The following CNTNAP5 variants were observed in gnomAD, a reference collection of about 807,000 sequenced individuals.
The protein encoded by CNTNAP5 is contactin-associated protein-like 5.
A neutral mutation model predicts 150.2 loss-of-function variants in CNTNAP5; 72 were observed. The observed-to-expected ratio is 0.48, with a 90% CI of 0.40 to 0.58. CNTNAP5 has a LOEUF of 0.58. Ranked by LOEUF, CNTNAP5 falls within the 20% of genes least tolerant of loss-of-function variation. The pLI is 0.00. For synonymous variants in CNTNAP5, 672 were observed against 619.8 expected (o/e 1.08, Z -1.25); for missense variants, 1,636 against 1,626.2 (o/e 1.01, Z -0.10).
chr2:124,660,644 GT>G (rs34191470), intron 13 of CNTNAP5, among the ~76,000 whole-genome samples: 5 of 151,912 alleles, frequency 3.3e-5, no homozygotes, highest in Non-Finnish European at 7.4e-5. Context: ...AATTGGGTGC[GT>G]TTTTTGCATT....
At chr2:124,283,696 A>C in intron 3 of CNTNAP5, among the ~76,000 whole-genome samples, 1 of 152,216 alleles carries the variant, frequency 6.6e-6, no homozygotes, top group East Asian at 1.9e-4. Flanking sequence ...GAGGTGACTT[A>C]TAAGCAATAT....
At chr2:124,258,383 A>G (rs1035646048) in intron 3 of CNTNAP5, among the ~76,000 whole-genome samples, 1 of 152,194 alleles carries the variant, frequency 6.6e-6, no homozygotes. Flanking sequence ...CTGCTGAGGA[A>G]AGAGGACTCA....
intron 13 of CNTNAP5, among the ~76,000 whole-genome samples, chr2:124,678,083 C>T (rs1678985460): frequency 6.6e-6 from 1 of 151,826 alleles, no homozygotes; most frequent in Non-Finnish European, 1.5e-5. Flanking sequence ...ACATCCCCAT[C>T]TTTGTTCCCA....
At chr2:124,505,450 T>A (rs1343879438) in intron 8 of CNTNAP5, among the ~76,000 whole-genome samples, 1 of 152,050 alleles carries the variant, frequency 6.6e-6, no homozygotes, top group Non-Finnish European at 1.5e-5. Flanking sequence ...TAAAACCATT[T>A]AAAAAATATA....
rs1029469768 is a variant in CNTNAP5 at position 124,919,666 on chromosome 2, C to T, written c.*5378C>T. Among the ~76,000 whole-genome samples, 2 of 151,906 alleles carry T rather than the reference C, an allele frequency of 1.3e-5. No homozygotes were observed. The highest frequency in any genetic ancestry group is 2.9e-5 in the Non-Finnish European group (2 of 67,970). On this transcript the variant is annotated 3_prime_UTR_variant, in exon 24 of 24. Transcript: ENST00000682447. ...TTGTCTTACTCATTAGGGAAAGAGG[C>T]AATATCATGGGCTTTGCATGAATAA... is the stretch of plus-strand genomic sequence containing the variant.
intron 1 of CNTNAP5, among the ~76,000 whole-genome samples, chr2:124,218,461 A>G (rs996925286): frequency 2.0e-5 from 3 of 152,116 alleles, no homozygotes; most frequent in African/African-American, 7.2e-5. Context: ...CATTCTTATT[A>G]CTTTTAGGGA....
intron 2 of CNTNAP5, among the ~76,000 whole-genome samples, chr2:124,235,058 A>G (rs879300265): frequency 1.4e-4 from 22 of 152,122 alleles, no homozygotes; most frequent in Non-Finnish European, 2.8e-4. Flanking sequence ...AGGGTAAGAC[A>G]GAGGGGAAAG....
In CNTNAP5 at chr2:124,051,828, G is replaced by C. The variant is rs114736478; in HGVS notation, c.82+26096G>C. ...CACTCAAAACTGCTAGGGTGATTTT[G>C]CTTGATTTCCTTCTGCTACAGCATT... On this transcript the variant is annotated intron_variant, in intron 1 of 23. Transcript: ENST00000682447. 5.7e-3 allele frequency among the ~76,000 whole-genome samples: 868 copies of C among 152,228 alleles called. 7 individuals carry two copies. Among genetic ancestry groups the C allele is most frequent in the African/African-American group, 0.019 (805 of 41,540 alleles).
chr2:124,538,770 A>T (rs1695307827), intron 10 of CNTNAP5, among the ~76,000 whole-genome samples: 1 of 152,194 alleles, frequency 6.6e-6, no homozygotes, highest in African/African-American at 2.4e-5. Flanking sequence ...TGTGAGAAAA[A>T]GGTTTAGATT....
intron 13 of CNTNAP5, among the ~76,000 whole-genome samples, chr2:124,670,408 A>AG (rs1418025525): frequency 6.6e-6 from 1 of 152,068 alleles, no homozygotes. Flanking sequence ...TTGACCTTGT[A>AG]TAATTGAGTT....
chr2:124,148,071 G>T (rs1330628644), intron 1 of CNTNAP5, among the ~76,000 whole-genome samples: 1 of 152,108 alleles, frequency 6.6e-6, no homozygotes, highest in African/African-American at 2.4e-5. Flanking sequence ...TCACACCAAG[G>T]TTTCACAGGA....
chr2:124,685,937 A>G lies in CNTNAP5; in HGVS notation c.2077+37979A>G, dbSNP rs549145718. 3.3e-5 allele frequency among the ~76,000 whole-genome samples: 5 copies of G among 152,098 alleles called. No individual in the cohort carries two copies. In the East Asian group the frequency reaches 7.7e-4, roughly 24 times the overall value. Reference sequence around the variant, plus strand: ...TTTCTAAGTTTCTTATTCTATAATTAACTTTTCATAAATTTAGGTCATCTT... The same window carrying G: ...TTTCTAAGTTTCTTATTCTATAATTGACTTTTCATAAATTTAGGTCATCTT... On this transcript the variant is annotated intron_variant, in intron 13 of 23. Coordinates refer to ENST00000682447, the MANE Select transcript of CNTNAP5 (RefSeq NM_001367498.1).
At chr2:124,304,982 C>A (rs1352570334) in intron 3 of CNTNAP5, among the ~76,000 whole-genome samples, 1 of 151,872 alleles carries the variant, frequency 6.6e-6, no homozygotes, top group African/African-American at 2.4e-5. Flanking sequence ...AGTCACACTG[C>A]AGGCCACATG....
At chr2:124,241,976 A>G (rs932510302) in intron 2 of CNTNAP5, among the ~76,000 whole-genome samples, 7 of 152,164 alleles carry the variant, frequency 4.6e-5, no homozygotes, top group African/African-American at 1.7e-4. Context: ...GAAGCATGGA[A>G]GATACAGCTT....
intron 14 of CNTNAP5, among the ~76,000 whole-genome samples, chr2:124,754,802 G>A (rs767851633): frequency 2.6e-5 from 4 of 151,704 alleles, no homozygotes; most frequent in Admixed American, 6.6e-5. Context: ...ATCCTCACGC[G>A]TCGAACTCTC....
chr2:124,310,138 G>C (rs139250692), intron 3 of CNTNAP5, among the ~76,000 whole-genome samples: 130 of 152,028 alleles, frequency 8.6e-4, no homozygotes, highest in African/African-American at 3.1e-3. Flanking sequence ...AATCTCCCAG[G>C]GTGTTTATTG....
intron 1 of CNTNAP5, among the ~76,000 whole-genome samples, chr2:124,165,246 C>T (rs1393052441): frequency 6.6e-6 from 1 of 152,096 alleles, no homozygotes; most frequent in Non-Finnish European, 1.5e-5. Flanking sequence ...AGTCACTTTG[C>T]TTGGTAGAGG....
chr2:124,273,317 C>T (rs1687803699), intron 3 of CNTNAP5, among the ~76,000 whole-genome samples: 1 of 152,076 alleles, frequency 6.6e-6, no homozygotes, highest in African/African-American at 2.4e-5. Context: ...AGCAATTATC[C>T]AAGATCAGTG....
intron 2 of CNTNAP5, 89 bp from the exon 3 acceptor site, chr2:124,242,111 C>A: frequency 9.4e-7 from 1 of 1,059,552 alleles, no homozygotes; most frequent in Non-Finnish European, 1.4e-6. Context: ...CTTAGTTGAA[C>A]ACTGTTTCAT....
Sources: gnomAD v4.1 joint callset for allele counts (sites outside exome capture counted in the v4.1 genomes callset) on GRCh38, gnomAD v4.1.1 for gene constraint, MANE v1.5 for transcripts, NCBI Gene and HGNC (gene_info 2026-07-23, HGNC 2026-07-21) for gene names.